CHODL: variants seen among roughly 807,000 people sequenced by gnomAD.
The protein encoded by CHODL is transmembrane protein MT75.
Under a neutral mutation model 34.5 loss-of-function variants are expected in CHODL, and 29 were observed. The ratio of observed to expected loss-of-function variants is 0.84; its 90% CI spans 0.63 to 1.15. The LOEUF (loss-of-function observed/expected upper bound fraction) is 1.15. Among genes scored for constraint, CHODL ranks in the 50% most tolerant of loss-of-function variants. The pLI is 0.00. For synonymous variants in CHODL, 125 were observed against 116.1 expected (o/e 1.08, Z -0.49); for missense variants, 332 against 332.5 (o/e 1.00, Z 0.01).
chr21:18,133,955 T>C (rs2072689219), intron 2 of CHODL, among the ~76,000 whole-genome samples: 1 of 152,196 alleles, frequency 6.6e-6, no homozygotes, highest in South Asian at 2.1e-4. Flanking sequence ...TTCCTGAATA[T>C]ATCTGTGTCT....
chr21:18,261,137 A>T (rs1601224396), intron 4 of CHODL, among the ~76,000 whole-genome samples: 1 of 152,182 alleles, frequency 6.6e-6, no homozygotes, highest in African/African-American at 2.4e-5. Flanking sequence ...CATCTGGTCC[A>T]CTTTGACCAG....
At chr21:18,182,347 C>T (rs2073391796) in intron 2 of CHODL, among the ~76,000 whole-genome samples, 1 of 152,158 alleles carries the variant, frequency 6.6e-6, no homozygotes, top group East Asian at 1.9e-4. Context: ...CTCTAGCTGG[C>T]TCTAAGGCCT....
At chr21:18,090,228 A>G (rs2065055407) in intron 2 of CHODL, among the ~76,000 whole-genome samples, 1 of 152,220 alleles carries the variant, frequency 6.6e-6, no homozygotes, top group Non-Finnish European at 1.5e-5. Flanking sequence ...AAAACCCAAA[A>G]CCAGTAGATA....
At position 18,220,664 on chromosome 21, in the gene CHODL, G is replaced by T. The variant is rs566428998; in HGVS notation, c.-44-35845G>T. Reference sequence around the variant, plus strand: ...ATTTCTCTTTCATTTTTGAATAATAGCTTTGATGGATATAGTATTCTTGGC... The same window carrying T: ...ATTTCTCTTTCATTTTTGAATAATATCTTTGATGGATATAGTATTCTTGGC... On this transcript the variant is annotated intron_variant, in intron 2 of 6. Transcript: ENST00000400127. Among the ~76,000 whole-genome samples the T allele has an allele frequency of 1.0e-3, 153 of 151,078 alleles. 1 individual carries two copies. The highest frequency in any genetic ancestry group is 2.1e-3 in the South Asian group (10 of 4,784).
chr21:17,999,292 C>G (rs1404459823), intron 1 of CHODL, among the ~76,000 whole-genome samples: 1 of 152,178 alleles, frequency 6.6e-6, no homozygotes, highest in Non-Finnish European at 1.5e-5. Flanking sequence ...GCATTTTTGT[C>G]AAAGCCATTC....
intron 1 of CHODL, among the ~76,000 whole-genome samples, chr21:17,921,310 G>C (rs1228118426): frequency 6.6e-6 from 1 of 152,122 alleles, no homozygotes; most frequent in African/African-American, 2.4e-5. Flanking sequence ...TATTATGGAG[G>C]GCAATCTTCT....
chr21:17,943,955 G>C (rs1396772930), intron 1 of CHODL, among the ~76,000 whole-genome samples: 1 of 152,182 alleles, frequency 6.6e-6, no homozygotes, highest in Non-Finnish European at 1.5e-5. Context: ...CACAAATCTT[G>C]GTGGTAGCTC....
upstream of CHODL, among the ~76,000 whole-genome samples, chr21:18,240,171 ATAAAT>A (rs2146769533): frequency 6.6e-6 from 1 of 152,232 alleles, no homozygotes; most frequent in South Asian, 2.1e-4. Flanking sequence ...GAAAAGATTT[ATAAAT>A]TAAGTGACAT....
intron 2 of CHODL, among the ~76,000 whole-genome samples, chr21:18,184,459 G>A (rs1460692388): frequency 6.6e-6 from 1 of 152,134 alleles, no homozygotes; most frequent in African/African-American, 2.4e-5. Context: ...AATGATGATA[G>A]GAATAAGCAC....
intron 2 of CHODL, among the ~76,000 whole-genome samples, chr21:18,179,766 A>G (rs1394499118): frequency 6.6e-6 from 1 of 152,244 alleles, no homozygotes; most frequent in Non-Finnish European, 1.5e-5. Flanking sequence ...ATATTTATGA[A>G]TAAATTAAAA....
chr21:18,145,298 G>A (rs1173840865), intron 2 of CHODL, among the ~76,000 whole-genome samples: 1 of 148,340 alleles, frequency 6.7e-6, no homozygotes, highest in Non-Finnish European at 1.5e-5. Flanking sequence ...TTAGCCGGGC[G>A]CGGTGGCGGG....
chr21:18,229,710 T>G (rs2073962009), intron 2 of CHODL, among the ~76,000 whole-genome samples: 1 of 152,104 alleles, frequency 6.6e-6, no homozygotes, highest in African/African-American at 2.4e-5. Flanking sequence ...AAATATTAAC[T>G]TCTTTTTCTT....
chr21:18,093,187 T>C (rs1241894816), intron 2 of CHODL, among the ~76,000 whole-genome samples: 1 of 152,112 alleles, frequency 6.6e-6, no homozygotes, highest in Non-Finnish European at 1.5e-5. Flanking sequence ...GCATGACATA[T>C]TTAAAGTTAT....
At chr21:18,070,815 C>T (rs1350230519) in intron 2 of CHODL, among the ~76,000 whole-genome samples, 1 of 151,968 alleles carries the variant, frequency 6.6e-6, no homozygotes, top group African/African-American at 2.4e-5. Flanking sequence ...CTAGTGACTT[C>T]TAAATCTGTC....
At chr21:18,038,668 C>T (rs2064339533) in intron 2 of CHODL, among the ~76,000 whole-genome samples, 1 of 151,668 alleles carries the variant, frequency 6.6e-6, no homozygotes, top group South Asian at 2.1e-4. Context: ...CCAACAATCA[C>T]TAAATTACTT....
intron 2 of CHODL, among the ~76,000 whole-genome samples, chr21:18,064,417 C>G (rs1160023907): frequency 6.6e-6 from 1 of 152,190 alleles, no homozygotes; most frequent in African/African-American, 2.4e-5. Context: ...CCAAATTAAA[C>G]AGGTATACTA....
rs1414344557 is a variant in CHODL at position 18,094,811 on chromosome 21, A to G, written c.-45+66840A>G. ...TAAACTGGAAAAACAAGAGGGAACC[A>G]AACACAAAATTAGTAACAGAAAAAA... On this transcript the variant is annotated intron_variant, in intron 2 of 6. Transcript: ENST00000400127. Among the ~76,000 whole-genome samples the G allele has an allele frequency of 3.3e-5, 5 of 151,766 alleles. No homozygotes were observed. The East Asian group carries it at 9.6e-4, about 29-fold the overall frequency.
At chr21:17,965,732 C>T (rs1272122432) in intron 1 of CHODL, among the ~76,000 whole-genome samples, 1 of 151,980 alleles carries the variant, frequency 6.6e-6, no homozygotes. Flanking sequence ...ATAATAATGG[C>T]CTTTTTACTA....
At chr21:18,240,873 A>G (rs1442895367), upstream of CHODL, among the ~76,000 whole-genome samples, 1 of 152,192 alleles carries the variant, frequency 6.6e-6, no homozygotes, top group Non-Finnish European at 1.5e-5. Context: ...CAGAGCATGC[A>G]ACAGACTGAA....
Sources: allele counts gnomAD v4.1 joint callset (sites outside exome capture counted in the v4.1 genomes callset), GRCh38; gene constraint gnomAD v4.1.1; transcripts MANE v1.5; gene names NCBI Gene and HGNC (gene_info 2026-07-23, HGNC 2026-07-21).